The following CPQ variants were observed in gnomAD, a reference collection of about 807,000 sequenced individuals.
CPQ encodes the protein carboxypeptidase Q.
Under a neutral mutation model 45.7 loss-of-function variants are expected in CPQ, and 37 were observed. The ratio of observed to expected loss-of-function variants is 0.81; its 90% CI spans 0.62 to 1.07. The LOEUF is 1.07. Among genes scored for constraint, CPQ ranks in the 50% least tolerant of loss-of-function variants. The pLI, the probability that CPQ is intolerant of heterozygous loss-of-function variation, is 0.00. For missense variants in CPQ, 537 were observed against 572.9 expected (o/e 0.94, Z 0.64); for synonymous variants, 186 against 205.8 (o/e 0.90, Z 0.82).
intron 1 of CPQ, among the ~76,000 whole-genome samples, chr8:96,682,826 A>T (rs1257705395): frequency 6.6e-6 from 1 of 152,102 alleles, no homozygotes; most frequent in Non-Finnish European, 1.5e-5. Flanking sequence ...TTCATTCTAT[A>T]TGTGTCCTTA....
chr8:97,046,116 A>G (rs983513848), intron 6 of CPQ, among the ~76,000 whole-genome samples: 30 of 152,254 alleles, frequency 2.0e-4, no homozygotes, highest in African/African-American at 6.7e-4. Flanking sequence ...TCTTAAAGAT[A>G]CCATGTGTGC....
At chr8:96,910,595 C>G (rs1320396081) in intron 4 of CPQ, among the ~76,000 whole-genome samples, 1 of 152,164 alleles carries the variant, frequency 6.6e-6, no homozygotes, top group Non-Finnish European at 1.5e-5. Flanking sequence ...AGCTCCGCCT[C>G]CTGGGTTCAT....
At chr8:97,008,769 G>A (rs1173480351) in intron 5 of CPQ, among the ~76,000 whole-genome samples, 7 of 152,188 alleles carry the variant, frequency 4.6e-5, no homozygotes, top group South Asian at 2.1e-4. Flanking sequence ...CCTGCATCCT[G>A]TGTTACTGTG....
chr8:97,131,565 T>C (rs944475618), intron 7 of CPQ, among the ~76,000 whole-genome samples: 11 of 152,192 alleles, frequency 7.2e-5, no homozygotes, highest in African/African-American at 2.7e-4. Flanking sequence ...AAAGCCCATT[T>C]TGTTTCAGAC....
intron 1 of CPQ, among the ~76,000 whole-genome samples, chr8:96,763,292 G>C (rs924888180): frequency 6.6e-6 from 1 of 152,070 alleles, no homozygotes; most frequent in Admixed American, 6.6e-5. Context: ...GGATGAAAGT[G>C]TTTTTTTCCC....
At chr8:96,712,877 AT>A (rs112742686) in intron 1 of CPQ, among the ~76,000 whole-genome samples, 13 of 150,842 alleles carry the variant, frequency 8.6e-5, no homozygotes, top group East Asian at 1.9e-4. Context: ...TCTCCCACAA[AT>A]TTTTTTTTCT....
rs868807767 is a variant in CPQ, at chr8:97,123,153, A to T, written c.1256-19867A>T. ...TAAAATAAAATAAAATAAAATAAATAAAATAAAATAAAATAAAATAAAATA... is the reference window on the plus strand; with the variant it reads ...TAAAATAAAATAAAATAAAATAAATTAAATAAAATAAAATAAAATAAAATA... On this transcript the variant is annotated intron_variant, in intron 7 of 7. Coordinates refer to ENST00000220763, the MANE Select transcript of CPQ (RefSeq NM_016134.4). Among the ~76,000 whole-genome samples the T allele has an allele frequency of 4.1e-4, 26 of 62,912 alleles. 3 individuals carry two copies. In the South Asian group the frequency reaches 7.1e-3, roughly 17 times the overall value. The allele number at this position is 62,912 out of a possible 152,430, so 41.3% of individuals were successfully genotyped here.
intron 1 of CPQ, among the ~76,000 whole-genome samples, chr8:96,745,379 C>T (rs1435461760): frequency 6.6e-6 from 1 of 152,046 alleles, no homozygotes; most frequent in African/African-American, 2.4e-5. Context: ...AGAAGTTCAT[C>T]ATCATCCTAT....
chr8:96,667,081 C>T (rs1053339489), intron 1 of CPQ, among the ~76,000 whole-genome samples: 9 of 137,766 alleles, frequency 6.5e-5, no homozygotes, highest in African/African-American at 2.4e-4. Flanking sequence ...ACTGGGGAAA[C>T]ATCATCCCCA....
chr8:96,662,070 T>TTTATA (rs1815707719), intron 1 of CPQ, among the ~76,000 whole-genome samples: 2 of 152,350 alleles, frequency 1.3e-5, no homozygotes, highest in East Asian at 3.9e-4. Context: ...TATTTTCCAC[T>TTTATA]TTATATCTTC....
At chr8:96,705,114 C>G (rs1290824003) in intron 1 of CPQ, among the ~76,000 whole-genome samples, 1 of 152,148 alleles carries the variant, frequency 6.6e-6, no homozygotes, top group Non-Finnish European at 1.5e-5. Context: ...ATCTTAAAAG[C>G]AGAAAAGTTT....
chr8:97,131,547 A>G (rs1811957142), intron 7 of CPQ, among the ~76,000 whole-genome samples: 1 of 152,130 alleles, frequency 6.6e-6, no homozygotes, highest in African/African-American at 2.4e-5. Context: ...TGATATCTGG[A>G]AATGAAAAAA....
intron 1 of CPQ, among the ~76,000 whole-genome samples, chr8:96,759,447 G>A (rs778257019): frequency 5.9e-5 from 9 of 152,010 alleles, no homozygotes; most frequent in Non-Finnish European, 1.2e-4. Context: ...ATATATTTTT[G>A]TACTCAATTA....
chr8:96,743,122 G>A (rs1340538402), intron 1 of CPQ, among the ~76,000 whole-genome samples: 4 of 152,126 alleles, frequency 2.6e-5, no homozygotes, highest in African/African-American at 9.7e-5. Flanking sequence ...CCAATCAGAC[G>A]TAGATTTGGT....
chr8:96,865,815 AACTTT>A (rs1473566979), intron 3 of CPQ, among the ~76,000 whole-genome samples: 19 of 152,046 alleles, frequency 1.2e-4, no homozygotes, highest in African/African-American at 4.6e-4. Context: ...AATAATGTAT[AACTTT>A]TTCACTCCAT....
chr8:97,125,389 A>C (rs1054927466), intron 7 of CPQ, among the ~76,000 whole-genome samples: 2 of 152,184 alleles, frequency 1.3e-5, no homozygotes, highest in Non-Finnish European at 2.9e-5. Flanking sequence ...AACTCATTTT[A>C]TAAGGCGTGT....
At chr8:96,970,806 G>A (rs1048631803) in intron 5 of CPQ, among the ~76,000 whole-genome samples, 55 of 151,948 alleles carry the variant, frequency 3.6e-4, no homozygotes, top group African/African-American at 6.5e-4. Context: ...CTCGTGATCC[G>A]CCCGCCTCGG....
At chr8:96,944,616 T>C (rs1472601494) in intron 4 of CPQ, among the ~76,000 whole-genome samples, 2 of 152,158 alleles carry the variant, frequency 1.3e-5, no homozygotes, top group African/African-American at 4.8e-5. Flanking sequence ...TCAGCAAATA[T>C]AATCCACTGT....
At chr8:96,783,014 TAAG>T (rs1287549692) in intron 1 of CPQ, among the ~76,000 whole-genome samples, 2 of 152,186 alleles carry the variant, frequency 1.3e-5, no homozygotes, top group African/African-American at 4.8e-5. Flanking sequence ...CATGAATCTC[TAAG>T]AAGAATCACT....
Sources: allele counts gnomAD v4.1 joint callset (sites outside exome capture counted in the v4.1 genomes callset), GRCh38; gene constraint gnomAD v4.1.1; transcripts MANE v1.5; gene names NCBI Gene and HGNC (gene_info 2026-07-23, HGNC 2026-07-21).